The following MYO1E variants were observed in gnomAD, a reference collection of about 807,000 sequenced individuals.
The protein encoded by MYO1E is unconventional myosin-Ie.
MYO1E carries 68 observed loss-of-function variants against 151.1 expected under a neutral mutation model. The ratio of observed to expected loss-of-function variants is 0.45; its 90% confidence interval spans 0.37 to 0.55. The LOEUF is 0.55. MYO1E is among the 20% of genes least tolerant of loss of function. The pLI, the probability that MYO1E is intolerant of heterozygous loss-of-function variation, is 0.00. For synonymous variants in MYO1E, 601 were observed against 501.7 expected (o/e 1.20, Z -2.64); for missense variants, 1,363 against 1,389.3 (o/e 0.98, Z 0.30).
At chr15:59,250,018 G>A (rs1434293556) in intron 4 of MYO1E, among the ~76,000 whole-genome samples, 1 of 152,184 alleles carries the variant, frequency 6.6e-6, no homozygotes, top group Non-Finnish European at 1.5e-5. Context: ...CCAGGGTCAG[G>A]TGAGCATGAA....
Position 59,273,109 on chromosome 15 carries a change from G to A in MYO1E, c.4-660C>T, listed in dbSNP as rs776105147. ...GCTCCAATAACGAGGATGTGGACAG[G>A]ACAGACGAAACGAGATCACGGAACA... On this transcript the variant is annotated intron_variant, in intron 1 of 27. Coordinates refer to ENST00000288235, the MANE Select transcript of MYO1E (RefSeq NM_004998.4). Among the ~76,000 whole-genome samples, 21 of 152,336 alleles carry A rather than the reference G, an allele frequency of 1.4e-4. 1 individual carries two copies. The highest frequency in any genetic ancestry group is 3.4e-3 in the Middle Eastern group (1 of 294).
In MYO1E at chr15:59,182,716, G is replaced by A. The variant is rs532316308; in HGVS notation, c.1905-4179C>T. Reference sequence around the variant, plus strand: ...TTCACAAAATGCCTACTCAGAGTGCGGCACAGCGTAAAGTACAGCATGGAA... The same window carrying A: ...TTCACAAAATGCCTACTCAGAGTGCAGCACAGCGTAAAGTACAGCATGGAA... On this transcript the variant is annotated intron_variant, in intron 18 of 27. Transcript: ENST00000288235. Among the ~76,000 whole-genome samples the A allele has an allele frequency of 1.1e-4, 16 of 152,256 alleles. No homozygotes were observed. In the South Asian group the frequency reaches 1.5e-3, roughly 14 times the overall value.
intron 17 of MYO1E, among the ~76,000 whole-genome samples, chr15:59,194,597 G>A (rs2079754514): frequency 6.6e-6 from 1 of 152,208 alleles, no homozygotes; most frequent in Non-Finnish European, 1.5e-5. Context: ...AAGACAAGAG[G>A]TAGCAATTCT....
chr15:59,289,870 G>A (rs1250262013), intron 1 of MYO1E, among the ~76,000 whole-genome samples: 7 of 152,140 alleles, frequency 4.6e-5, no homozygotes, highest in Non-Finnish European at 1.0e-4. Flanking sequence ...GAAAATCCAA[G>A]GAAATTTTTG....
intron 1 of MYO1E, among the ~76,000 whole-genome samples, chr15:59,282,507 C>A (rs1348526462): frequency 6.6e-6 from 1 of 152,042 alleles, no homozygotes; most frequent in Admixed American, 6.6e-5. Flanking sequence ...CTCACAAACT[C>A]CAGGAACCCT....
intron 22 of MYO1E, among the ~76,000 whole-genome samples, 197 bp from the exon 23 acceptor site, chr15:59,163,500 G>A (rs1400169287): frequency 2.0e-5 from 3 of 151,998 alleles, no homozygotes; most frequent in African/African-American, 4.8e-5. Context: ...TGCTTTCAAA[G>A]AAGGTTTATA....
At position 59,171,383 on chromosome 15, in the gene MYO1E, C is replaced by T. The variant is rs115164215; in HGVS notation, c.2480+514G>A. 1,046 of 175,934 alleles carry T rather than the reference C, an allele frequency of 5.9e-3. 13 individuals carry two copies. Among genetic ancestry groups the T allele is most frequent in the African/African-American group, 0.023 (981 of 41,938 alleles). The allele number at this position is 175,934 out of a possible 1,614,324, so 10.9% of individuals were successfully genotyped here. A position where few individuals can be genotyped will look rare whatever the true frequency, so the allele number is the denominator to read the frequency against. ...CCTTGTGGAAGCAAACACCACTCCCCACTGCCTGAGAATTGGAGCGAAGAG... is the reference window on the plus strand; with the variant it reads ...CCTTGTGGAAGCAAACACCACTCCCTACTGCCTGAGAATTGGAGCGAAGAG... On this transcript the variant is annotated intron_variant, in intron 22 of 27. Coordinates refer to ENST00000288235, the MANE Select transcript of MYO1E (RefSeq NM_004998.4).
Position 59,272,292 on chromosome 15 carries a change from C to A in MYO1E, c.147+14G>T, listed in dbSNP as rs183374173. The A allele has an allele frequency of 6.0e-4, 965 of 1,613,602 alleles. 9 individuals carry two copies. The highest frequency in any genetic ancestry group is 2.5e-3 in the South Asian group (230 of 91,048). On this transcript the variant is annotated intron_variant, in intron 2 of 27. Transcript: ENST00000288235. Reference sequence around the variant, plus strand: ...TATCACTTAGAAATGTCCAAAGCAGCCAATAAAGGATACAAAAATGTAGTC... The same window carrying A: ...TATCACTTAGAAATGTCCAAAGCAGACAATAAAGGATACAAAAATGTAGTC...
At position 59,174,122 on chromosome 15, in the gene MYO1E, A is replaced by C. The variant is rs1178985139; in HGVS notation, c.2164+4T>G. 1.2e-6 allele frequency: 2 copies of C among 1,610,626 alleles called. No individual in the cohort carries two copies. Among genetic ancestry groups the C allele is most frequent in the Non-Finnish European group, 8.5e-7 (1 of 1,176,856 alleles). On this transcript the variant is annotated splice_donor_region_variant and intron_variant, in intron 20 of 27. Coordinates refer to ENST00000288235, the MANE Select transcript of MYO1E (RefSeq NM_004998.4). ...AAATCAATGAAACAAAATTGCTAAA[A>C]TACCTTCTTCTCTCATTTGAACGTA...
intron 1 of MYO1E, among the ~76,000 whole-genome samples, chr15:59,286,930 C>T (rs918604143): frequency 3.3e-5 from 5 of 152,084 alleles, no homozygotes; most frequent in Non-Finnish European, 5.9e-5. Context: ...ATGAGAGTCC[C>T]GTGGGCACAT....
intron 1 of MYO1E, among the ~76,000 whole-genome samples, chr15:59,321,377 T>G (rs2080625012): frequency 6.6e-6 from 1 of 152,208 alleles, no homozygotes; most frequent in Non-Finnish European, 1.5e-5. Flanking sequence ...ACGACACATG[T>G]ACTTGTATGT....
chr15:59,158,214 T>C (rs2079519148), intron 25 of MYO1E, 73 bp downstream of exon 25: 1 of 1,312,866 alleles, frequency 7.6e-7, no homozygotes, highest in East Asian at 2.5e-5. Flanking sequence ...CTAATGGGTT[T>C]CTTCCCAAAC....
intron 26 of MYO1E, among the ~76,000 whole-genome samples, chr15:59,147,623 A>C (rs1161658008): frequency 6.8e-6 from 1 of 147,504 alleles, no homozygotes; most frequent in Non-Finnish European, 1.5e-5. Context: ...AAACAATACA[A>C]AAAAAAGAAA....
chr15:59,165,880 G>C (rs571674537), intron 22 of MYO1E, among the ~76,000 whole-genome samples: 1 of 152,222 alleles, frequency 6.6e-6, no homozygotes, highest in African/African-American at 2.4e-5. Context: ...ACGCCTTCCT[G>C]TTTTGGTTGT....
At chr15:59,336,901 T>C (rs1371276642) in intron 1 of MYO1E, among the ~76,000 whole-genome samples, 1 of 152,174 alleles carries the variant, frequency 6.6e-6, no homozygotes. Flanking sequence ...GCTTCATCCA[T>C]GTCCCTGCAA....
intron 1 of MYO1E, among the ~76,000 whole-genome samples, chr15:59,294,146 T>C (rs1339267630): frequency 6.6e-6 from 1 of 152,204 alleles, no homozygotes; most frequent in African/African-American, 2.4e-5. Context: ...TTGTTCGGTA[T>C]TCATGTTGCT....
At chr15:59,281,690 T>C (rs369311956) in intron 1 of MYO1E, among the ~76,000 whole-genome samples, 37 of 152,356 alleles carry the variant, frequency 2.4e-4, no homozygotes, top group East Asian at 1.3e-3. Flanking sequence ...TTGCTTCAAA[T>C]TTTTCTATAA....
intron 14 of MYO1E, 22 bp downstream of exon 14, chr15:59,208,659 T>C (rs768456924): frequency 3.1e-6 from 5 of 1,613,906 alleles, no homozygotes; most frequent in African/African-American, 2.7e-5. Flanking sequence ...CAGATAGACA[T>C]TAAAATGGAT....
At chr15:59,165,486 G>C (rs1294103602) in intron 22 of MYO1E, among the ~76,000 whole-genome samples, 2 of 152,180 alleles carry the variant, frequency 1.3e-5, no homozygotes, top group African/African-American at 2.4e-5. Context: ...ACACATCATA[G>C]CCATGCTTCT....
Sources: allele counts gnomAD v4.1 joint callset (sites outside exome capture counted in the v4.1 genomes callset), GRCh38; gene constraint gnomAD v4.1.1; transcripts MANE v1.5; gene names NCBI Gene and HGNC (gene_info 2026-07-23, HGNC 2026-07-21).